ZNF552: variants seen among roughly 807,000 people sequenced by gnomAD.
The protein encoded by ZNF552 is zinc finger protein 552.
In ZNF552, 2 loss-of-function variants were observed where a neutral mutation model predicts 7.2. The observed-to-expected ratio is 0.28, with a 90% CI of 0.11 to 0.88. ZNF552 has a LOEUF of 0.88. ZNF552 is among the 40% of genes least tolerant of loss of function. The probability of loss-of-function intolerance (pLI) is 0.60; values close to 1 mark genes in which losing one functional copy is unlikely to be tolerated. For synonymous variants in ZNF552, 173 were observed against 176.5 expected (o/e 0.98, Z 0.16); for missense variants, 421 against 493.4 (o/e 0.85, Z 1.39).
intron 2 of ZNF552, 175 bp from the exon 3 acceptor site, chr19:57,809,278 C>A: frequency 2.0e-6 from 3 of 1,472,876 alleles, no homozygotes; most frequent in Non-Finnish European, 2.8e-6. Context: ...ATAATGGTCA[C>A]AGAATGTAGG....
rs1232656913 is a variant in ZNF552, at chr19:57,814,897, T to C, written c.-154A>G. 3 of 787,042 alleles carry C rather than the reference T, an allele frequency of 3.8e-6. No homozygotes were observed. Among genetic ancestry groups the C allele is most frequent in the South Asian group, 3.7e-5 (2 of 53,822 alleles). 48.8% of individuals were successfully genotyped at this position (787,042 alleles called of 1,614,324 possible). ...CGCTCCAAGGACTCCCTAACGCCAA[T>C]GGAAATGGTCGCTACTAAAGGGCGC... is the stretch of plus-strand genomic sequence containing the variant. On this transcript the variant is annotated 5_prime_UTR_variant, in exon 1 of 3. Coordinates refer to ENST00000391701, the MANE Select transcript of ZNF552 (RefSeq NM_024762.3).
rs1192049746 is a variant in ZNF552 at position 57,808,470 on chromosome 19, T to C, written c.794A>G (p.Glu265Gly). ...FSNHQGVHTR[E>G]KPYTCGICGK... Reference sequence around the variant, plus strand: ...ACATATCCCACACGTATAAGGTTTTTCTCTAGTGTGAACTCCTTGATGATT... The same window carrying C: ...ACATATCCCACACGTATAAGGTTTTCCTCTAGTGTGAACTCCTTGATGATT... Residue 265 changes from glutamate to glycine, a missense_variant, in exon 3 of 3, where the codon GAA (glutamate) becomes GGA (glycine). This residue lies in a region of ZNF552 where 299 missense variants were observed against 293.7 expected (regional missense o/e 1.02). Transcript: ENST00000391701. 1 of 1,613,970 alleles carries C rather than the reference T, an allele frequency of 6.2e-7. No homozygotes were observed.
chr19:57,807,728 C>T lies in ZNF552; in HGVS notation c.*312G>A. The T allele has an allele frequency of 3.7e-6, 1 of 271,770 alleles. No individual in the cohort carries two copies. Among genetic ancestry groups the T allele is most frequent in the Non-Finnish European group, 6.8e-6 (1 of 147,266 alleles). The allele number at this position is 271,770 out of a possible 1,614,324, so 16.8% of individuals were successfully genotyped here. A position where few individuals can be genotyped will look rare whatever the true frequency, so the allele number is the denominator to read the frequency against. ...TCTGCCTCCCAGGCTCAAGCAAATC[C>T]TCCCATGTAGCAATCCTCCCACATG... On this transcript the variant is annotated 3_prime_UTR_variant, in exon 3 of 3. Coordinates refer to ENST00000391701, the MANE Select transcript of ZNF552 (RefSeq NM_024762.3).
At position 57,808,787 on chromosome 19, in the gene ZNF552, C is replaced by A; in HGVS notation, c.477G>T (p.Arg159Ser). 6.2e-7 allele frequency: 1 copy of A among 1,614,002 alleles called. No homozygotes were observed. Among genetic ancestry groups the A allele is most frequent in the Non-Finnish European group, 8.5e-7 (1 of 1,180,036 alleles). The change falls in exon 3 of 3, where the codon AGG becomes AGT. Residue 159 changes from arginine (R) to serine (S), a missense_variant. Physicochemically the swap from Arg to Ser is moderately radical, Grantham distance 110. Around this residue, in one of 2 missense-constraint regions of ZNF552, gnomAD observed 299 missense variants for 293.7 expected, o/e 1.02. Coordinates refer to ENST00000391701, the MANE Select transcript of ZNF552 (RefSeq NM_024762.3). Reference sequence around the variant, plus strand: ...ACTCCCCTGACACATGCAACTTACACCTCTTCGCAAACAACGCCTCCTCAA... The same window carrying A: ...ACTCCCCTGACACATGCAACTTACAACTCTTCGCAAACAACGCCTCCTCAA... ...GSVEEALFAK[R>S]CKLHVSGESS...
chr19:57,809,854 C>T (rs1987820380), intron 2 of ZNF552, among the ~76,000 whole-genome samples: 1 of 152,120 alleles, frequency 6.6e-6, no homozygotes, highest in African/African-American at 2.4e-5. Context: ...CATGGTGACT[C>T]ATGCCTACAA....
rs907929547 is a variant in ZNF552, at chr19:57,809,100, C to A, written c.164G>T (p.Cys55Phe). ...CGCCTCATCTTCCACTCCACACCAA[C>A]AACCTGAAAGCAAGAAAATGCTGGT... The part of the protein sequence containing the change: ...ENLALMSSLG[C>F]WCGVEDEAAP... Residue 55 changes from cysteine (C) to phenylalanine (F), a missense_variant, in exon 3 of 3, where the codon TGT becomes TTT. By Grantham distance (205) the Cys-to-Phe change is radical. Transcript: ENST00000391701. 4 of 1,540,602 alleles carry A rather than the reference C, an allele frequency of 2.6e-6. No individual in the cohort carries two copies. The African/African-American group carries it at 5.5e-5, about 21-fold the overall frequency.
rs77675889 is a variant in ZNF552, at chr19:57,807,959, C to T, written c.*81G>A. The T allele has an allele frequency of 1.5e-3, 2,216 of 1,476,384 alleles. 38 individuals carry two copies. In the African/African-American group the frequency reaches 0.027, roughly 18 times the overall value. The allele number at this position is 1,476,384 out of a possible 1,614,324, so 91.5% of individuals were successfully genotyped here. On this transcript the variant is annotated 3_prime_UTR_variant, in exon 3 of 3. Coordinates refer to ENST00000391701, the MANE Select transcript of ZNF552 (RefSeq NM_024762.3). ...CAAGGAGAGCAGACCTTTGGGTAAA[C>T]ATTTTCCACATTTGCTGCAATCACA...
chr19:57,808,508 A>G lies in ZNF552; in HGVS notation c.756T>C (p.Tyr252=). 1 of 1,613,864 alleles carries G rather than the reference A, an allele frequency of 6.2e-7. No homozygotes were observed. Among genetic ancestry groups the G allele is most frequent in the Non-Finnish European group, 8.5e-7 (1 of 1,179,832 alleles). ...CTCCTTGATGATTACTGAAGCTGTCATATTTGCTAGAGGATTTCCCACATT... is the reference window on the plus strand; with the variant it reads ...CTCCTTGATGATTACTGAAGCTGTCGTATTTGCTAGAGGATTTCCCACATT... ...WCECGKSSSK[Y]DSFSNHQGVH... is the part of the protein sequence containing the mutation. Residue 252 remains tyrosine, a synonymous_variant, in exon 3 of 3, where the codon TAT becomes TAC. Coordinates refer to ENST00000391701, the MANE Select transcript of ZNF552 (RefSeq NM_024762.3).
Position 57,814,719 on chromosome 19 carries a change from G to A in ZNF552, c.25C>T (p.Pro9Ser), listed in dbSNP as rs746265673. 4.3e-6 allele frequency: 7 copies of A among 1,613,934 alleles called. No individual in the cohort carries two copies. In the East Asian group the frequency reaches 1.6e-4, roughly 36 times the overall value. MAAAALRF[P>S]VQGTVTFEDV... Reference sequence around the variant, plus strand: ...GAAGGCGCCACAATTACCTGAACGGGGAACCTTAGCGCGGCCGCCGCCATG... The same window carrying A: ...GAAGGCGCCACAATTACCTGAACGGAGAACCTTAGCGCGGCCGCCGCCATG... The change falls in exon 1 of 3, where the codon CCC becomes TCC. Residue 9 changes from proline (P) to serine (S), a missense_variant. This residue lies in a region of ZNF552 where 122 missense variants were observed against 199.7 expected (regional missense o/e 0.61). Transcript: ENST00000391701.
Position 57,807,398 on chromosome 19 carries a change from A to G in ZNF552, c.*642T>C, listed in dbSNP as rs896376651. ...AGGGTGAAACCCCATCTCTACTAAA[A>G]ATACAAAAAAGGTAGGAGTGGTGGT... On this transcript the variant is annotated 3_prime_UTR_variant, in exon 3 of 3. Transcript: ENST00000391701. 6.6e-6 allele frequency: 1 copy of G among 152,124 alleles called. No individual in the cohort carries two copies. Among genetic ancestry groups the G allele is most frequent in the African/African-American group, 2.4e-5 (1 of 41,414 alleles). The allele number at this position is 152,124 out of a possible 1,614,324, so 9.4% of individuals were successfully genotyped here.
chr19:57,808,574 G>A lies in ZNF552; in HGVS notation c.690C>T (p.His230=), dbSNP rs548520137. ...GTTCTTCTGTAGGGAGCAGTCTCTC[G>A]TGCTGACTGAGTATATCTTTGGTGC... The part of the protein sequence containing the change: ...HFSTKDILSQ[H]ERLLPTEEPS... Residue 230 remains histidine (H), a synonymous_variant, in exon 3 of 3, where the codon CAC becomes CAT. Coordinates refer to ENST00000391701, the MANE Select transcript of ZNF552 (RefSeq NM_024762.3). 97 of 1,614,118 alleles carry A rather than the reference G, an allele frequency of 6.0e-5. No individual in the cohort carries two copies. Among genetic ancestry groups the A allele is most frequent in the East Asian group, 1.8e-4 (8 of 44,882 alleles).
rs757475713 is a variant in ZNF552, at chr19:57,808,879, A to G, written c.385T>C (p.Tyr129His). ...HRCEAWGNKL[Y>H]DSGNFHQHQN... ...TGCTGATGAAAGTTTCCACTGTCATACAATTTATTCCCCCAGGCCTCACAC... is the reference window on the plus strand; with the variant it reads ...TGCTGATGAAAGTTTCCACTGTCATGCAATTTATTCCCCCAGGCCTCACAC... The change falls in exon 3 of 3, where the codon TAT becomes CAT. Residue 129 changes from tyrosine (Y) to histidine (H), a missense_variant. Tyr to His is a moderately conservative substitution (Grantham distance 83). This residue lies in a region of ZNF552 where 122 missense variants were observed against 199.7 expected (regional missense o/e 0.61). Coordinates refer to ENST00000391701, the MANE Select transcript of ZNF552 (RefSeq NM_024762.3). 6.2e-7 allele frequency: 1 copy of G among 1,613,548 alleles called. No homozygotes were observed. Among genetic ancestry groups the G allele is most frequent in the Non-Finnish European group, 8.5e-7 (1 of 1,179,942 alleles).
chr19:57,814,874 C>T lies in ZNF552; in HGVS notation c.-131G>A. On this transcript the variant is annotated 5_prime_UTR_variant, in exon 1 of 3. Coordinates refer to ENST00000391701, the MANE Select transcript of ZNF552 (RefSeq NM_024762.3). ...TCACCACCACGGTCCCAACACAGCG[C>T]TCCAAGGACTCCCTAACGCCAATGG... 1.1e-6 allele frequency: 1 copy of T among 916,398 alleles called. No individual in the cohort carries two copies. 56.8% of individuals were successfully genotyped at this position (916,398 alleles called of 1,614,324 possible).
chr19:57,814,297 GTTAT>G, intron 1 of ZNF552: 1 of 601,040 alleles, frequency 1.7e-6, no homozygotes, highest in East Asian at 2.8e-5. Context: ...TCTCTACTCT[GTTAT>G]TTATTTGGCC....
intron 2 of ZNF552, among the ~76,000 whole-genome samples, chr19:57,811,098 T>TGGC (rs995601888): frequency 1.3e-5 from 2 of 152,020 alleles, no homozygotes; most frequent in Non-Finnish European, 2.9e-5. Context: ...CGGAGACTGG[T>TGGC]GGCGGCAGGG....
At chr19:57,814,317 G>A (rs1394757041) in intron 1 of ZNF552, 7 of 618,670 alleles carry the variant, frequency 1.1e-5, no homozygotes, top group Middle Eastern at 4.4e-4. Context: ...TGGCCTTTAG[G>A]AAACTTTAAA....
At chr19:57,813,767 C>G (rs1479018660) in intron 1 of ZNF552, among the ~76,000 whole-genome samples, 2 of 110,006 alleles carry the variant, frequency 1.8e-5, no homozygotes, top group East Asian at 2.8e-4. Context: ...TTTTTTGATA[C>G]GGAGTCTCGC....
chr19:57,813,502 C>T (rs1487110740), intron 1 of ZNF552, 82 bp from the exon 2 acceptor site: 17 of 1,489,444 alleles, frequency 1.1e-5, no homozygotes, highest in South Asian at 2.5e-5. Context: ...CATCTACTCT[C>T]GCACATCCTC....
At position 57,808,571 on chromosome 19, in the gene ZNF552, C is replaced by A; in HGVS notation, c.693G>T (p.Glu231Asp). The change falls in exon 3 of 3, where the codon GAG becomes GAT. Residue 231 changes from glutamate to aspartate, a missense_variant. Around this residue, in one of 2 missense-constraint regions of ZNF552, gnomAD observed 299 missense variants for 293.7 expected, o/e 1.02. Transcript: ENST00000391701. ...FSTKDILSQHERLLPTEEPSV... is the reference protein window; with the variant it reads ...FSTKDILSQHDRLLPTEEPSV... ...AAGGTTCTTCTGTAGGGAGCAGTCTCTCGTGCTGACTGAGTATATCTTTGG... is the reference window on the plus strand; with the variant it reads ...AAGGTTCTTCTGTAGGGAGCAGTCTATCGTGCTGACTGAGTATATCTTTGG... The A allele has an allele frequency of 6.2e-7, 1 of 1,614,192 alleles. No homozygotes were observed. Among genetic ancestry groups the A allele is most frequent in the Non-Finnish European group, 8.5e-7 (1 of 1,180,040 alleles).
Sources: gnomAD v4.1 joint callset for allele counts (sites outside exome capture counted in the v4.1 genomes callset) on GRCh38, gnomAD v4.1.1 for gene constraint, gnomAD v4.1.1 regional missense constraint, MANE v1.5 for transcripts, NCBI Gene and HGNC (gene_info 2026-07-23, HGNC 2026-07-21) for gene names.